The following F2 variants were observed in gnomAD, a reference collection of about 807,000 sequenced individuals.
The protein encoded by F2 is prothrombin.
Under a neutral mutation model 81.9 loss-of-function variants are expected in F2, and 34 were observed. The ratio of observed to expected loss-of-function variants is 0.42; its 90% CI spans 0.32 to 0.55. The LOEUF is 0.55. F2 is among the 20% of genes least tolerant of loss of function. The probability of loss-of-function intolerance (pLI) is 0.18; values close to 1 mark genes in which losing one functional copy is unlikely to be tolerated. For missense variants in F2, 630 were observed against 833.4 expected (o/e 0.76, Z 3.00); for synonymous variants, 296 against 326.4 (o/e 0.91, Z 1.01).
intron 4 of F2, 100 bp downstream of exon 4, chr11:46,720,940 G>T (rs1306030282): frequency 8.0e-7 from 1 of 1,257,690 alleles, no homozygotes; most frequent in Non-Finnish European, 1.2e-6. Flanking sequence ...GGCCGAGGCA[G>T]TCCCCAGCAT....
At chr11:46,724,478 T>C (rs2064858863) in intron 6 of F2, among the ~76,000 whole-genome samples, 1 of 152,196 alleles carries the variant, frequency 6.6e-6, no homozygotes, top group Non-Finnish European at 1.5e-5. Context: ...ACTCTTCTTA[T>C]GCTGATGACA....
At position 46,723,805 on chromosome 11, in the gene F2, G is replaced by A. The variant is rs1289974930; in HGVS notation, c.559+287G>A. 6.6e-6 allele frequency among the ~76,000 whole-genome samples: 1 copy of A among 152,130 alleles called. No homozygotes were observed. The highest frequency in any genetic ancestry group is 1.5e-5 in the Non-Finnish European group (1 of 68,024). The stretch of plus-strand genomic sequence containing the variant: ...CTCTGGAGGCTGAGGCACGAGAATC[G>A]CTTGAACCCGGGAGGCGGAGTTTGC... On this transcript the variant is annotated intron_variant, in intron 6 of 13. Transcript: ENST00000311907. The surrounding 1 kb of genome is among the most constrained non-coding windows in gnomAD (Gnocchi z 5.6).
rs2064824289 is a variant in F2, at chr11:46,719,836, G to A, written c.214G>A (p.Glu72Lys). The change falls in exon 2 of 14, where the codon GAG becomes AAG. Residue 72 changes from glutamate (E) to lysine (K), a missense_variant. Coordinates refer to ENST00000311907, the MANE Select transcript of F2 (RefSeq NM_000506.5). The surrounding 1 kb of genome is among the most constrained non-coding windows in gnomAD (Gnocchi z 4.7). Reference sequence around the variant, plus strand: ...GACGTGCAGCTACGAGGAGGCCTTCGAGGCTCTGGAGTCCTCCACGGCTAC... The same window carrying A: ...GACGTGCAGCTACGAGGAGGCCTTCAAGGCTCTGGAGTCCTCCACGGCTAC... ...EETCSYEEAF[E>K]ALESSTATDV... is the part of the protein sequence containing the mutation. 3 of 1,578,352 alleles carry A rather than the reference G, an allele frequency of 1.9e-6. No homozygotes were observed. The highest frequency in any genetic ancestry group is 1.7e-6 in the Non-Finnish European group (2 of 1,163,034).
rs758385055 is a variant in F2 at position 46,726,130 on chromosome 11, C to T, written c.831C>T (p.Ala277=). 1.6e-5 allele frequency: 26 copies of T among 1,613,994 alleles called. 1 individual carries two copies. Among genetic ancestry groups the T allele is most frequent in the East Asian group, 1.1e-4 (5 of 44,896 alleles). Residue 277 remains alanine, a synonymous_variant, in exon 7 of 14, where the codon GCC becomes GCT. Coordinates refer to ENST00000311907, the MANE Select transcript of F2 (RefSeq NM_000506.5). The surrounding 1 kb of genome is among the most constrained non-coding windows in gnomAD (Gnocchi z 5.9). ...AGGAGGGCGTGTGGTGCTATGTGGCCGGGAAGCCTGGCGACTTTGGGTACT... is the reference window on the plus strand; with the variant it reads ...AGGAGGGCGTGTGGTGCTATGTGGCTGGGAAGCCTGGCGACTTTGGGTACT... ...GDEEGVWCYV[A]GKPGDFGYCD...
Position 46,719,227 on chromosome 11 carries a change from T to C in F2, c.-9T>C, listed in dbSNP as rs1210877826. 1 of 1,613,858 alleles carries C rather than the reference T, an allele frequency of 6.2e-7. No homozygotes were observed. Among genetic ancestry groups the C allele is most frequent in the East Asian group, 2.2e-5 (1 of 44,888 alleles). ...GACAATTCCTCAGTGACCCAGGAGCTGACACACTATGGCGCACGTCCGAGG... is the reference window on the plus strand; with the variant it reads ...GACAATTCCTCAGTGACCCAGGAGCCGACACACTATGGCGCACGTCCGAGG... On this transcript the variant is annotated 5_prime_UTR_variant, in exon 1 of 14. Transcript: ENST00000311907. This position sits in a 1 kb window ranked among gnomAD's most constrained non-coding sequence, Gnocchi z 4.7.
rs576714300 is a variant in F2 at position 46,725,896 on chromosome 11, C to T, written c.597C>T (p.Ser199=). Residue 199 remains serine, a synonymous_variant, in exon 7 of 14, where the codon TCC becomes TCT. Coordinates refer to ENST00000311907, the MANE Select transcript of F2 (RefSeq NM_000506.5). ...TCACTGTAGCGATGACTCCACGCTC[C>T]GAAGGCTCCAGTGTGAATCTGTCAC... ...DQVTVAMTPR[S]EGSSVNLSPP... is the part of the protein sequence containing the mutation. 1.3e-5 allele frequency: 21 copies of T among 1,613,522 alleles called. No individual in the cohort carries two copies. The highest frequency in any genetic ancestry group is 1.7e-4 in the Middle Eastern group (1 of 5,884).
rs1459613800 is a variant in F2 at position 46,730,052 on chromosome 11, T to C, written c.1654+491T>C. Among the ~76,000 whole-genome samples the C allele has an allele frequency of 5.3e-5, 8 of 152,062 alleles. No homozygotes were observed. In the East Asian group the frequency reaches 1.5e-3, roughly 29 times the overall value. On this transcript the variant is annotated intron_variant, in intron 12 of 13. Transcript: ENST00000311907. ...ACGGCTGATGAAGTGGGCTTCTAAA[T>C]AGGGTGGCCAGACAAGGTGGGCAGA... is the stretch of plus-strand genomic sequence containing the variant.
chr11:46,725,651 T>C (rs2064867011), intron 6 of F2, among the ~76,000 whole-genome samples: 1 of 152,228 alleles, frequency 6.6e-6, no homozygotes, highest in African/African-American at 2.4e-5. Flanking sequence ...CAGACACTTA[T>C]GCTGTATATT....
At position 46,729,504 on chromosome 11, in the gene F2, C is replaced by T. The variant is rs766441152; in HGVS notation, c.1597C>T (p.Arg533Trp). The T allele has an allele frequency of 1.1e-5, 18 of 1,613,894 alleles. No homozygotes were observed. Among genetic ancestry groups the T allele is most frequent in the East Asian group, 2.2e-5 (1 of 44,892 alleles). Residue 533 changes from arginine to tryptophan, a missense_variant, in exon 12 of 14, where the codon CGG becomes TGG. By Grantham distance (101) the Arg-to-Trp change is moderately radical. Transcript: ENST00000311907. ...LQVVNLPIVE[R>W]PVCKDSTRIR... ...GGTGGTGAACCTGCCCATTGTGGAGCGGCCGGTCTGCAAGGACTCCACCCG... is the reference window on the plus strand; with the variant it reads ...GGTGGTGAACCTGCCCATTGTGGAGTGGCCGGTCTGCAAGGACTCCACCCG...
Position 46,728,246 on chromosome 11 carries a change from C to A in F2, c.1298+83C>A. On this transcript the variant is annotated intron_variant, in intron 10 of 13. Transcript: ENST00000311907. The surrounding 1 kb of genome is among the most constrained non-coding windows in gnomAD (Gnocchi z 5.1). ...ATGAGGGGCCCTGGTGGCTCCGGGA[C>A]ACATAGGATGTTCTGTATACCCCCC... 1 of 1,416,244 alleles carries A rather than the reference C, an allele frequency of 7.1e-7. No individual in the cohort carries two copies. Among genetic ancestry groups the A allele is most frequent in the Non-Finnish European group, 9.8e-7 (1 of 1,023,988 alleles). The allele number at this position is 1,416,244 out of a possible 1,614,324, so 87.7% of individuals were successfully genotyped here. A position where few individuals can be genotyped will look rare whatever the true frequency, so the allele number is the denominator to read the frequency against.
At chr11:46,739,234 C>A in intron 13 of F2, 31 bp from the exon 14 acceptor site, 1 of 1,613,672 alleles carries the variant, frequency 6.2e-7, no homozygotes, top group Non-Finnish European at 8.5e-7. Flanking sequence ...TTGAACTTGA[C>A]TCTATTGGAA....
Position 46,723,296 on chromosome 11 carries a change from G to C in F2, c.422+11G>C. The C allele has an allele frequency of 6.2e-7, 1 of 1,613,518 alleles. No individual in the cohort carries two copies. The highest frequency in any genetic ancestry group is 8.5e-7 in the Non-Finnish European group (1 of 1,179,470). On this transcript the variant is annotated intron_variant, in intron 5 of 13. Coordinates refer to ENST00000311907, the MANE Select transcript of F2 (RefSeq NM_000506.5). This position sits in a 1 kb window ranked among gnomAD's most constrained non-coding sequence, Gnocchi z 5.6. ...CCCACATAAGCCTGAGTGAGTGAGGGGCCGGCCTTCCCACCATGGGCTGAG... is the reference window on the plus strand; with the variant it reads ...CCCACATAAGCCTGAGTGAGTGAGGCGCCGGCCTTCCCACCATGGGCTGAG...
chr11:46,739,204 AG>A, intron 13 of F2, 60 bp from the exon 14 acceptor site: 1 of 1,613,730 alleles, frequency 6.2e-7, no homozygotes, highest in Non-Finnish European at 8.5e-7. Context: ...GTTGCCTGGC[AG>A]GGGAATACTG....
Position 46,728,672 on chromosome 11 carries a change from G to A in F2, c.1307G>A (p.Arg436Gln), listed in dbSNP as rs1379341234. 2.5e-6 allele frequency: 4 copies of A among 1,614,178 alleles called. No individual in the cohort carries two copies. Among genetic ancestry groups the A allele is most frequent in the Admixed American group, 1.7e-5 (1 of 60,026 alleles). ...TCTTGGGGTCTCTGCAGGTACGAGC[G>A]AAACATTGAAAAGATATCCATGTTG... ...IGKHSRTRYE[R>Q]NIEKISMLEK... is the part of the protein sequence containing the mutation. The change falls in exon 11 of 14, where the codon CGA becomes CAA. Residue 436 changes from arginine (R) to glutamine (Q), a missense_variant. Physicochemically the swap from Arg to Gln is conservative, Grantham distance 43 (BLOSUM62 1). Transcript: ENST00000311907. This position sits in a 1 kb window ranked among gnomAD's most constrained non-coding sequence, Gnocchi z 5.1.
At chr11:46,727,854 G>C (rs571757458) in intron 9 of F2, 142 bp from the exon 10 acceptor site, 2 of 835,536 alleles carry the variant, frequency 2.4e-6, no homozygotes, top group Admixed American at 5.2e-5. Flanking sequence ...GGCCCCAAAG[G>C]CGGCCAGCCC....
chr11:46,728,685 G>A lies in F2; in HGVS notation c.1320G>A (p.Lys440=). ...SRTRYERNIE[K]ISMLEKIYIH... Reference sequence around the variant, plus strand: ...GCAGGTACGAGCGAAACATTGAAAAGATATCCATGTTGGAAAAGATCTACA... The same window carrying A: ...GCAGGTACGAGCGAAACATTGAAAAAATATCCATGTTGGAAAAGATCTACA... Residue 440 remains lysine, a synonymous_variant, in exon 11 of 14, where the codon AAG becomes AAA. Coordinates refer to ENST00000311907, the MANE Select transcript of F2 (RefSeq NM_000506.5). This position sits in a 1 kb window ranked among gnomAD's most constrained non-coding sequence, Gnocchi z 5.1. 1 of 1,614,146 alleles carries A rather than the reference G, an allele frequency of 6.2e-7. No individual in the cohort carries two copies. The highest frequency in any genetic ancestry group is 8.5e-7 in the Non-Finnish European group (1 of 1,180,012).
intron 12 of F2, among the ~76,000 whole-genome samples, chr11:46,730,786 T>TTTTATATATATATATATATATATATATA (rs2064905965): frequency 7.1e-6 from 1 of 140,180 alleles, no homozygotes; most frequent in Non-Finnish European, 1.6e-5. Flanking sequence ...GTGGGAATTT[T>TTTTATATATATATATATATATATATATA]TATATATATA....
At chr11:46,737,251 C>T (rs2064949487) in intron 12 of F2, among the ~76,000 whole-genome samples, 1 of 151,672 alleles carries the variant, frequency 6.6e-6, no homozygotes, top group Admixed American at 6.6e-5. Context: ...AAGTGATTCT[C>T]CTGCCTCAGC....
At chr11:46,731,912 GTTTTT>G (rs71042616) in intron 12 of F2, among the ~76,000 whole-genome samples, 40 of 88,170 alleles carry the variant, frequency 4.5e-4, no homozygotes, top group Admixed American at 8.8e-4. Context: ...ACACTTTGAT[GTTTTT>G]TTTTTTTTTT....
Sources: gnomAD v4.1 joint callset for allele counts (sites outside exome capture counted in the v4.1 genomes callset) on GRCh38, gnomAD v4.1.1 for gene constraint, Gnocchi (gnomAD v3.1) non-coding constraint, MANE v1.5 for transcripts, NCBI Gene and HGNC (gene_info 2026-07-23, HGNC 2026-07-21) for gene names.